DAPP1: variants seen among roughly 807,000 people sequenced by gnomAD.
The protein encoded by DAPP1 is dual adapter for phosphotyrosine and 3-phosphotyrosine and 3-phosphoinositide.
A neutral mutation model predicts 41.5 loss-of-function variants in DAPP1; 20 were observed. The ratio of observed to expected loss-of-function variants is 0.48; its 90% CI spans 0.34 to 0.70. DAPP1 has a LOEUF of 0.70. Among genes scored for constraint, DAPP1 ranks in the 30% least tolerant of loss-of-function variants. DAPP1 has a pLI of 0.01. For synonymous variants in DAPP1, 113 were observed against 116.2 expected, an observed-to-expected ratio of 0.97 and a Z score of 0.18; for missense variants, 233 against 333.4, an observed-to-expected ratio of 0.70 and a Z score of 2.35.
chr4:99,866,926 C>G (rs573933649), intron 8 of DAPP1, among the ~76,000 whole-genome samples: 1 of 151,584 alleles, frequency 6.6e-6, no homozygotes, highest in Non-Finnish European at 1.5e-5. Flanking sequence ...CTTGCCACCA[C>G]GCCTGGTTAA....
chr4:99,863,958 G>A, intron 7 of DAPP1, 103 bp downstream of exon 7: 1 of 739,200 alleles, frequency 1.4e-6, no homozygotes, highest in Non-Finnish European at 2.2e-6. Flanking sequence ...ACAAAGATCA[G>A]ATATGAGGGG....
chr4:99,817,700 G>A (rs1014265243), intron 1 of DAPP1, among the ~76,000 whole-genome samples: 1 of 152,164 alleles, frequency 6.6e-6, no homozygotes, highest in African/African-American at 2.4e-5. Flanking sequence ...ACTCATCCGG[G>A]TATTTAATAA....
intron 1 of DAPP1, among the ~76,000 whole-genome samples, chr4:99,831,989 G>T: frequency 6.6e-6 from 1 of 150,700 alleles, no homozygotes; most frequent in Non-Finnish European, 1.5e-5. Context: ...AAAAAAAACA[G>T]GTTATATTTC....
chr4:99,870,708 G>A (rs1477837950), downstream of DAPP1, among the ~76,000 whole-genome samples: 3 of 152,176 alleles, frequency 2.0e-5, no homozygotes, highest in Non-Finnish European at 4.4e-5. Context: ...ATTATACCCT[G>A]TCTGCTAACA....
rs1724537795 is a variant in DAPP1, at chr4:99,868,430, CACT to C, written c.*246_*248del. On this transcript the variant is annotated 3_prime_UTR_variant, in exon 9 of 9. Transcript: ENST00000512369. ...TTCTGATAGAAAGTGCTTAAACCAC[CACT>C]CTTAGGTCTGCTCACTCTTAGAACA... 1.9e-6 allele frequency: 1 copy of C among 523,576 alleles called. No individual in the cohort carries two copies. The highest frequency in any genetic ancestry group is 1.9e-5 in the African/African-American group (1 of 52,110). 32.4% of individuals were successfully genotyped at this position (523,576 alleles called of 1,614,324 possible).
chr4:99,864,684 T>C (rs1724364962), intron 7 of DAPP1, among the ~76,000 whole-genome samples: 1 of 152,180 alleles, frequency 6.6e-6, no homozygotes, highest in African/African-American at 2.4e-5. Flanking sequence ...GCAGCTATGG[T>C]GACAAGGTCA....
intron 4 of DAPP1, 61 bp from the exon 5 acceptor site, chr4:99,861,517 A>C: frequency 4.0e-6 from 6 of 1,482,830 alleles, no homozygotes; most frequent in Non-Finnish European, 5.5e-6. Flanking sequence ...AGGACATGAA[A>C]GGAAGGACAA....
At chr4:99,863,690 G>A in intron 6 of DAPP1, 80 bp from the exon 7 acceptor site, 2 of 900,580 alleles carry the variant, frequency 2.2e-6, no homozygotes, top group Non-Finnish European at 3.4e-6. Flanking sequence ...AAACTTGTGA[G>A]GGGAATAAGT....
intron 4 of DAPP1, among the ~76,000 whole-genome samples, chr4:99,860,933 G>A (rs964267694): frequency 6.6e-6 from 1 of 152,048 alleles, no homozygotes; most frequent in Non-Finnish European, 1.5e-5. Context: ...TTATTTTTAC[G>A]TTTGAATTAA....
chr4:99,834,011 A>G (rs1388834298), intron 1 of DAPP1, among the ~76,000 whole-genome samples: 1 of 152,204 alleles, frequency 6.6e-6, no homozygotes, highest in East Asian at 1.9e-4. Flanking sequence ...TGGTTAAGTA[A>G]CATGTCCAAG....
chr4:99,833,059 C>T (rs927702876), intron 1 of DAPP1, among the ~76,000 whole-genome samples: 12 of 152,178 alleles, frequency 7.9e-5, no homozygotes, highest in African/African-American at 2.9e-4. Context: ...GAAACTTATG[C>T]TGAAATGTTT....
chr4:99,832,784 C>T (rs533764328), intron 1 of DAPP1, among the ~76,000 whole-genome samples: 31 of 152,326 alleles, frequency 2.0e-4, no homozygotes, highest in South Asian at 2.1e-4. Context: ...ATGTTTTAAA[C>T]GCAAACTTCC....
intron 1 of DAPP1, among the ~76,000 whole-genome samples, chr4:99,821,213 T>G (rs17610893): frequency 0.037 from 5,568 of 152,338 alleles, 151 homozygotes; most frequent in Middle Eastern, 0.12. Flanking sequence ...CTACTATGCA[T>G]CAGCACCATA....
intron 3 of DAPP1, chr4:99,844,234 T>C (rs1723590446): frequency 6.6e-6 from 1 of 152,170 alleles, no homozygotes; most frequent in Admixed American, 6.5e-5. Context: ...AATTCTATGT[T>C]CCTCACAGGA....
chr4:99,824,482 A>G (rs1226115718), intron 1 of DAPP1, among the ~76,000 whole-genome samples: 1 of 152,190 alleles, frequency 6.6e-6, no homozygotes, highest in Non-Finnish European at 1.5e-5. Flanking sequence ...TATCGCCTAA[A>G]CCATGGAATA....
chr4:99,827,869 G>A (rs1484694789), intron 1 of DAPP1, among the ~76,000 whole-genome samples: 1 of 152,210 alleles, frequency 6.6e-6, no homozygotes, highest in Non-Finnish European at 1.5e-5. Flanking sequence ...AGGAAAAGCT[G>A]AAGATGATGG....
Position 99,861,564 on chromosome 4 carries a change from C to T in DAPP1, c.490-14C>T, listed in dbSNP as rs1477876422. The T allele has an allele frequency of 1.9e-6, 3 of 1,565,838 alleles. No individual in the cohort carries two copies. Among genetic ancestry groups the T allele is most frequent in the East Asian group, 4.7e-5 (2 of 42,412 alleles). On this transcript the variant is annotated splice_polypyrimidine_tract_variant and intron_variant, in intron 4 of 8. Coordinates refer to ENST00000512369, the MANE Select transcript of DAPP1 (RefSeq NM_014395.3). The stretch of plus-strand genomic sequence containing the variant: ...TGACAGTTCTGGTCTTCACTCAGTG[C>T]TTTTCTTTTTCAGCTGGGCACCAAA...
intron 2 of DAPP1, among the ~76,000 whole-genome samples, chr4:99,837,124 T>C (rs1723328369): frequency 6.6e-6 from 1 of 152,236 alleles, no homozygotes; most frequent in African/African-American, 2.4e-5. Context: ...TTTTCTTCTG[T>C]GAGCAGCCAG....
At chr4:99,857,472 C>T (rs543454541) in intron 4 of DAPP1, among the ~76,000 whole-genome samples, 19 of 152,220 alleles carry the variant, frequency 1.2e-4, no homozygotes, top group Middle Eastern at 3.4e-3. Context: ...TGGTATTTGA[C>T]GTTTTTAACA....
Sources: allele counts gnomAD v4.1 joint callset (sites outside exome capture counted in the v4.1 genomes callset), GRCh38; gene constraint gnomAD v4.1.1; transcripts MANE v1.5; gene names NCBI Gene and HGNC (gene_info 2026-07-23, HGNC 2026-07-21).